Variants in COL22A1 observed in about 807,000 individuals in gnomAD.
COL22A1 encodes the protein collagen alpha-1(XXII) chain.
A neutral mutation model predicts 248.9 loss-of-function variants in COL22A1; 221 were observed. The observed-to-expected ratio is 0.89, with a 90% CI of 0.80 to 0.99. The LOEUF is 0.99. Among genes scored for constraint, COL22A1 ranks in the 50% least tolerant of loss-of-function variants. The pLI is 0.00. For missense variants in COL22A1, 2,240 were observed against 2,179.0 expected (o/e 1.03, Z -0.56); for synonymous variants, 891 against 793.4 (o/e 1.12, Z -2.07).
rs747340526 is a variant in COL22A1, at chr8:138,877,772, C to T, written c.636G>A (p.Lys212=). Residue 212 remains lysine, a synonymous_variant, in exon 3 of 65, where the codon AAG becomes AAA. Coordinates refer to ENST00000303045, the MANE Select transcript of COL22A1 (RefSeq NM_152888.3). ...DFNAIDKIRG[K]LRRRLCENVL... ...CACTTTCACAAAGACGGCGCCGCAG[C>T]TTGCCCCGGATCTTGTCGATGGCAT... 4 of 1,596,148 alleles carry T rather than the reference C, an allele frequency of 2.5e-6. No homozygotes were observed. Among genetic ancestry groups the T allele is most frequent in the Admixed American group, 3.4e-5 (2 of 57,990 alleles).
intron 6 of COL22A1, among the ~76,000 whole-genome samples, chr8:138,822,168 G>A (rs1819195459): frequency 6.6e-6 from 1 of 152,018 alleles, no homozygotes; most frequent in African/African-American, 2.4e-5. Context: ...TCCCGCCTTA[G>A]TCTCCCGAGT....
chr8:138,711,519 G>A (rs140687517), intron 30 of COL22A1, among the ~76,000 whole-genome samples: 1 of 152,168 alleles, frequency 6.6e-6, no homozygotes, highest in Non-Finnish European at 1.5e-5. Context: ...TTGCATTCTG[G>A]AAATGAGTTT....
intron 55 of COL22A1, among the ~76,000 whole-genome samples, chr8:138,614,278 A>G (rs1431698706): frequency 2.0e-5 from 3 of 152,190 alleles, no homozygotes; most frequent in African/African-American, 7.2e-5. Flanking sequence ...ACCTGGAACC[A>G]TTCATGTCTG....
At chr8:138,882,990 CACTT>C in intron 2 of COL22A1, 88 bp downstream of exon 2, 1 of 1,127,930 alleles carries the variant, frequency 8.9e-7, no homozygotes, top group African/African-American at 1.5e-5. Context: ...GTTGTGAACT[CACTT>C]GCATGCACAC....
chr8:138,635,540 TAC>T (rs1468935342), intron 48 of COL22A1, among the ~76,000 whole-genome samples: 4 of 152,188 alleles, frequency 2.6e-5, no homozygotes, highest in African/African-American at 9.7e-5. Flanking sequence ...CTGGCAATAT[TAC>T]AGTTATTTTA....
Position 138,807,750 on chromosome 8 carries a change from T to C in COL22A1, c.1494+18A>G. ...CAAGTGAGGTTCTAAACTACACCTC[T>C]GCCATGCCTGTACTGACCTTTGGAC... is the stretch of plus-strand genomic sequence containing the variant. On this transcript the variant is annotated intron_variant, in intron 10 of 64. Transcript: ENST00000303045. The C allele has an allele frequency of 6.2e-7, 1 of 1,613,030 alleles. No homozygotes were observed. The highest frequency in any genetic ancestry group is 8.5e-7 in the Non-Finnish European group (1 of 1,179,120).
chr8:138,807,888 A>AC, intron 9 of COL22A1, 76 bp from the exon 10 acceptor site: 1 of 1,456,912 alleles, frequency 6.9e-7, no homozygotes. Flanking sequence ...ATGGTAATCC[A>AC]CCCCCACATG....
chr8:138,780,292 G>A (rs1375880758), intron 13 of COL22A1, among the ~76,000 whole-genome samples: 4 of 152,216 alleles, frequency 2.6e-5, no homozygotes, highest in African/African-American at 4.8e-5. Flanking sequence ...GCTGCCAGCT[G>A]TGGACCTCAG....
Position 138,878,250 on chromosome 8 carries a change from T to C in COL22A1, c.158A>G (p.Asp53Gly), listed in dbSNP as rs1586947004. 1 of 1,589,520 alleles carries C rather than the reference T, an allele frequency of 6.3e-7. No homozygotes were observed. The highest frequency in any genetic ancestry group is 1.3e-5 in the African/African-American group (1 of 74,542). ...CACCCACTGCCGGACCTTCTCAAAG[T>C]CCTCCTTGCCCACGCTGGAGGAGGT... ...LDTSSSVGKE[D>G]FEKVRQWVAN... The change falls in exon 3 of 65, where the codon GAC becomes GGC. Residue 53 changes from aspartate to glycine, a missense_variant. Asp to Gly is a moderately conservative substitution (Grantham distance 94, BLOSUM62 -1). Transcript: ENST00000303045.
chr8:138,844,362 A>G (rs1005749802), intron 3 of COL22A1, among the ~76,000 whole-genome samples: 4 of 152,220 alleles, frequency 2.6e-5, no homozygotes, highest in African/African-American at 9.6e-5. Flanking sequence ...AACTCTGCAA[A>G]TACTGTGTTC....
intron 39 of COL22A1, among the ~76,000 whole-genome samples, chr8:138,680,996 G>C (rs975873414): frequency 6.6e-6 from 1 of 152,150 alleles, no homozygotes; most frequent in Non-Finnish European, 1.5e-5. Flanking sequence ...CCCCCCGGGG[G>C]GGGTCTCAGC....
intron 9 of COL22A1, among the ~76,000 whole-genome samples, chr8:138,809,574 G>A (rs1728006895): frequency 7.5e-6 from 1 of 133,134 alleles, no homozygotes; most frequent in South Asian, 2.5e-4. Context: ...AGGCTGGAGT[G>A]CAATAGCACG....
intron 3 of COL22A1, among the ~76,000 whole-genome samples, chr8:138,872,353 T>C (rs1823406769): frequency 6.6e-6 from 1 of 152,092 alleles, no homozygotes; most frequent in Non-Finnish European, 1.5e-5. Context: ...GGCTGCTTCT[T>C]TGCTCTAATC....
At chr8:138,830,208 T>C (rs1036213010) in intron 5 of COL22A1, among the ~76,000 whole-genome samples, 3 of 152,200 alleles carry the variant, frequency 2.0e-5, no homozygotes, top group African/African-American at 4.8e-5. Flanking sequence ...CTGTGAGGTG[T>C]TGAACAAATC....
intron 16 of COL22A1, among the ~76,000 whole-genome samples, chr8:138,762,843 T>C (rs1586679140): frequency 6.6e-6 from 1 of 152,210 alleles, no homozygotes; most frequent in East Asian, 1.9e-4. Context: ...TTATGCATCA[T>C]TCATTTGTCC....
At chr8:138,660,775 C>CAT (rs1823754307) in intron 43 of COL22A1, among the ~76,000 whole-genome samples, 1 of 151,668 alleles carries the variant, frequency 6.6e-6, no homozygotes, top group African/African-American at 2.4e-5. Context: ...TGTGCATGCA[C>CAT]GCATGCACAC....
At chr8:138,869,725 C>T (rs375005216) in intron 3 of COL22A1, among the ~76,000 whole-genome samples, 1 of 152,190 alleles carries the variant, frequency 6.6e-6, no homozygotes, top group African/African-American at 2.4e-5. Flanking sequence ...TCCTAATAAG[C>T]CTCCCAAGAG....
chr8:138,805,271 TGTGTGTGTGATG>T lies in COL22A1; in HGVS notation c.1495-2349_1495-2338del, dbSNP rs1449409689. Among the ~76,000 whole-genome samples the T allele has an allele frequency of 1.7e-4, 21 of 126,994 alleles. No individual in the cohort carries two copies. The East Asian group carries it at 4.3e-3, about 26-fold the overall frequency. The allele number at this position is 126,994 out of a possible 152,430, so 83.3% of individuals were successfully genotyped here. A position where few individuals can be genotyped will look rare whatever the true frequency, so the allele number is the denominator to read the frequency against. ...GTCTGATGATGTGAGCATGCATGTGTGTGTGTGTGATGGTGTGTGTGGTGGTGTGGGATGGTG... is the reference window on the plus strand; with the variant it reads ...GTCTGATGATGTGAGCATGCATGTGTGTGTGTGTGGTGGTGTGGGATGGTG... On this transcript the variant is annotated intron_variant, in intron 10 of 64. Coordinates refer to ENST00000303045, the MANE Select transcript of COL22A1 (RefSeq NM_152888.3).
At chr8:138,728,656 C>T (rs1257091410) in intron 23 of COL22A1, among the ~76,000 whole-genome samples, 2 of 151,782 alleles carry the variant, frequency 1.3e-5, no homozygotes, top group South Asian at 2.1e-4. Flanking sequence ...GGCTCTTTAG[C>T]GGTCTCCTAG....
Sources: gnomAD v4.1 joint callset for allele counts (sites outside exome capture counted in the v4.1 genomes callset) on GRCh38, gnomAD v4.1.1 for gene constraint, MANE v1.5 for transcripts, NCBI Gene and HGNC (gene_info 2026-07-23, HGNC 2026-07-21) for gene names.